Variants in CHLSN observed in about 807,000 individuals in gnomAD.
CHLSN encodes protein cholesin.
chr7:1,131,435 C>G, the CHLSN span, among the ~76,000 whole-genome samples: 1 of 152,164 alleles, frequency 6.6e-6, no homozygotes, highest in Non-Finnish European at 1.5e-5. Context: ...AAAGGCAGAG[C>G]CTGCACAAGG....
chr7:978,759 T>A, the CHLSN span, among the ~76,000 whole-genome samples: 1 of 152,240 alleles, frequency 6.6e-6, no homozygotes, highest in Non-Finnish European at 1.5e-5. Flanking sequence ...GTGGCCGTGT[T>A]CGCGTTATCT....
At chr7:1,075,439 G>A in the CHLSN span, among the ~76,000 whole-genome samples, 6 of 151,532 alleles carry the variant, frequency 4.0e-5, no homozygotes, top group East Asian at 2.0e-4. Flanking sequence ...CAGGAGAATC[G>A]CTTGAACTGG....
the CHLSN span, among the ~76,000 whole-genome samples, chr7:1,127,835 GCACAATCT>G: frequency 2.4e-5 from 2 of 82,360 alleles, no homozygotes; most frequent in Non-Finnish European, 4.5e-5. Context: ...GAGTGCAGTG[GCACAATCT>G]CGGCTCATCC....
chr7:986,387 G>A, the CHLSN span: 1 of 571,200 alleles, frequency 1.8e-6, no homozygotes, highest in Non-Finnish European at 3.1e-6. Context: ...CAGGATGGAA[G>A]GAGGTCCTGC....
At chr7:1,122,100 G>A in the CHLSN span, among the ~76,000 whole-genome samples, 1 of 152,222 alleles carries the variant, frequency 6.6e-6, no homozygotes, top group South Asian at 2.1e-4. Context: ...GGCTCCATGA[G>A]GTAACCAGAG....
the CHLSN span, among the ~76,000 whole-genome samples, chr7:1,136,393 T>TAAAC: frequency 1.3e-5 from 1 of 78,072 alleles, no homozygotes. Flanking sequence ...TATAAACATA[T>TAAAC]ATATAAATAT....
At chr7:1,058,179 C>T in the CHLSN span, 20 of 739,962 alleles carry the variant, frequency 2.7e-5, no homozygotes, top group South Asian at 1.2e-4. Context: ...GCCCCTGGAC[C>T]GGGACACGGG....
the CHLSN span, chr7:1,056,210 G>C: frequency 3.9e-5 from 6 of 154,932 alleles, no homozygotes; most frequent in African/African-American, 1.4e-4. Context: ...GGAGGTGCTG[G>C]TCAAGATGTG....
chr7:990,927 C>T, the CHLSN span, among the ~76,000 whole-genome samples: 2 of 151,976 alleles, frequency 1.3e-5, no homozygotes, highest in Non-Finnish European at 2.9e-5. Flanking sequence ...TCAGGGCTCC[C>T]GGGTGGGGTG....
chr7:1,085,039 T>C, the CHLSN span, among the ~76,000 whole-genome samples: 1 of 152,324 alleles, frequency 6.6e-6, no homozygotes, highest in East Asian at 1.9e-4. Flanking sequence ...AGGACTGGGC[T>C]TTGCACGCGA....
chr7:1,038,673 C>T, the CHLSN span, among the ~76,000 whole-genome samples: 8 of 125,056 alleles, frequency 6.4e-5, no homozygotes, highest in South Asian at 2.6e-4. Flanking sequence ...GTCAGCCCCC[C>T]GCCTGGCCAG....
At chr7:1,001,677 T>C in the CHLSN span, among the ~76,000 whole-genome samples, 3 of 69,584 alleles carry the variant, frequency 4.3e-5, no homozygotes, top group East Asian at 5.0e-4. Context: ...GTGAGTGGAG[T>C]CCTGCGGGTG....
At chr7:1,029,830 T>C in the CHLSN span, among the ~76,000 whole-genome samples, 1 of 152,200 alleles carries the variant, frequency 6.6e-6, no homozygotes, top group African/African-American at 2.4e-5. Context: ...TCCTCCTAGC[T>C]GTTTCACCAT....
At chr7:1,044,630 G>C in the CHLSN span, 2 of 151,596 alleles carry the variant, frequency 1.3e-5, no homozygotes, top group Non-Finnish European at 2.9e-5. Flanking sequence ...GCCCGGCGGC[G>C]ACTGCGCCGG....
chr7:997,784 G>A, the CHLSN span: 3 of 1,606,546 alleles, frequency 1.9e-6, no homozygotes, highest in Non-Finnish European at 1.7e-6. Context: ...CCAGCAGGGT[G>A]GAGAAGTGCT....
the CHLSN span, chr7:1,127,107 T>C: frequency 1.3e-6 from 1 of 796,296 alleles, no homozygotes; most frequent in Admixed American, 3.5e-5. Flanking sequence ...CTACAATCGC[T>C]TCTGGAAGGC....
chr7:1,015,882 T>G, the CHLSN span, among the ~76,000 whole-genome samples: 1 of 152,158 alleles, frequency 6.6e-6, no homozygotes, highest in African/African-American at 2.4e-5. Flanking sequence ...CAGGGGCCCC[T>G]CTGTGAGCAA....
At chr7:1,101,003 G>A in the CHLSN span, among the ~76,000 whole-genome samples, 1 of 152,200 alleles carries the variant, frequency 6.6e-6, no homozygotes, top group Non-Finnish European at 1.5e-5. Context: ...AGCCCGTCAG[G>A]GAGGCTCACG....
At chr7:1,115,950 A>G in the CHLSN span, among the ~76,000 whole-genome samples, 31 of 91,674 alleles carry the variant, frequency 3.4e-4, 1 homozygote, top group East Asian at 1.7e-3. Flanking sequence ...TTCCATCACC[A>G]AAGCCCACGC....
Sources: allele counts gnomAD v4.1 joint callset (sites outside exome capture counted in the v4.1 genomes callset), GRCh38; gene constraint gnomAD v4.1.1; transcripts MANE v1.5; gene names NCBI Gene and HGNC (gene_info 2026-07-23, HGNC 2026-07-21).